Variants in SNX4 observed in about 807,000 individuals in gnomAD.
SNX4 encodes sorting nexin-4.
Under a neutral mutation model 70.8 loss-of-function variants are expected in SNX4, and 49 were observed. That is an observed-to-expected ratio of 0.69 (90% CI 0.55 to 0.88). SNX4 has a LOEUF of 0.88. Ranked by LOEUF, SNX4 falls within the 40% of genes least tolerant of loss-of-function variation. The pLI is 0.00. For synonymous variants in SNX4, 206 were observed against 183.8 expected (o/e 1.12, Z -0.98); for missense variants, 528 against 544.8 (o/e 0.97, Z 0.31).
chr3:125,502,593 G>T (rs922679935), intron 2 of SNX4, among the ~76,000 whole-genome samples: 1 of 151,728 alleles, frequency 6.6e-6, no homozygotes, highest in African/African-American at 2.4e-5. Flanking sequence ...AACATTGGCC[G>T]GATGCGGTGG....
intron 1 of SNX4, 64 bp downstream of exon 1, chr3:125,519,968 A>ACCCCC: frequency 3.2e-6 from 2 of 633,868 alleles, no homozygotes; most frequent in Non-Finnish European, 4.6e-6. Context: ...AGCCCAGCCC[A>ACCCCC]GCCCAGCCCG....
At chr3:125,519,973 AGCCCG>A in intron 1 of SNX4, 54 bp downstream of exon 1, 1 of 637,444 alleles carries the variant, frequency 1.6e-6, no homozygotes, top group Non-Finnish European at 2.3e-6. Flanking sequence ...AGCCCAGCCC[AGCCCG>A]GCCCGCTAGG....
chr3:125,448,302 T>A (rs987790814), intron 13 of SNX4, among the ~76,000 whole-genome samples: 5 of 145,550 alleles, frequency 3.4e-5, no homozygotes, highest in African/African-American at 1.3e-4. Flanking sequence ...TTTTTTGTAT[T>A]TTTTTTTTTT....
chr3:125,493,653 C>CAA (rs145292055), intron 5 of SNX4, among the ~76,000 whole-genome samples: 12 of 117,230 alleles, frequency 1.0e-4, no homozygotes, highest in African/African-American at 3.5e-4. Context: ...GACTCCGTGT[C>CAA]AAAAAAAAAA....
chr3:125,513,008 C>T (rs949197146), intron 1 of SNX4, among the ~76,000 whole-genome samples: 1 of 152,198 alleles, frequency 6.6e-6, no homozygotes, highest in Non-Finnish European at 1.5e-5. Context: ...CCTGTCTGTG[C>T]TTCAGTTTCC....
intron 6 of SNX4, among the ~76,000 whole-genome samples, chr3:125,487,441 T>C (rs952111487): frequency 1.3e-5 from 2 of 152,058 alleles, no homozygotes; most frequent in African/African-American, 2.4e-5. Flanking sequence ...AAACATTCAA[T>C]TGACAAAATA....
At chr3:125,475,978 TA>T (rs1194980740) in intron 8 of SNX4, among the ~76,000 whole-genome samples, 4 of 144,448 alleles carry the variant, frequency 2.8e-5, no homozygotes, top group African/African-American at 5.1e-5. Context: ...GACCCTGTAT[TA>T]AAAAAAAAAC....
intron 1 of SNX4, among the ~76,000 whole-genome samples, chr3:125,510,377 C>T (rs1427944914): frequency 6.6e-6 from 1 of 151,646 alleles, no homozygotes; most frequent in Non-Finnish European, 1.5e-5. Flanking sequence ...ACTACAGGCG[C>T]CCGCCACACG....
Position 125,506,817 on chromosome 3 carries a change from T to TGAAAAAAAAA in SNX4, c.142-2074_142-2073insTTTTTTTTTC, listed in dbSNP as rs199752160. ...AACTTAAAGAAAGATGTGGAGAAAG[T>TGAAAAAAAAA]AAAAAAAAAAAAAAAAAAAAAAAAA... is the stretch of plus-strand genomic sequence containing the variant. On this transcript the variant is annotated intron_variant, in intron 1 of 13. Transcript: ENST00000251775. 7.5e-4 allele frequency among the ~76,000 whole-genome samples: 20 copies of TGAAAAAAAAA among 26,816 alleles called. 1 individual carries two copies. Among genetic ancestry groups the TGAAAAAAAAA allele is most frequent in the African/African-American group, 1.9e-3 (20 of 10,260 alleles). The allele number at this position is 26,816 out of a possible 152,430, so 17.6% of individuals were successfully genotyped here.
intron 1 of SNX4, among the ~76,000 whole-genome samples, chr3:125,509,995 T>C (rs938991357): frequency 6.6e-6 from 1 of 152,158 alleles, no homozygotes; most frequent in African/African-American, 2.4e-5. Context: ...GGAACCCTCG[T>C]GCCCTATTGG....
chr3:125,518,498 C>T (rs1261986286), intron 1 of SNX4, among the ~76,000 whole-genome samples: 1 of 152,114 alleles, frequency 6.6e-6, no homozygotes, highest in African/African-American at 2.4e-5. Flanking sequence ...AGTCTTCATG[C>T]TACCTTATAT....
chr3:125,512,469 C>T (rs1181572548), intron 1 of SNX4, among the ~76,000 whole-genome samples: 1 of 152,030 alleles, frequency 6.6e-6, no homozygotes, highest in East Asian at 1.9e-4. Flanking sequence ...AACAATAATA[C>T]CAGTAGGGTT....
intron 11 of SNX4, among the ~76,000 whole-genome samples, chr3:125,456,074 A>G (rs1289518696): frequency 6.6e-6 from 1 of 152,190 alleles, no homozygotes; most frequent in Non-Finnish European, 1.5e-5. Flanking sequence ...CTGGTTTACT[A>G]CTTTCAGAAT....
chr3:125,481,447 C>CTTTTTT (rs34708524), intron 6 of SNX4, among the ~76,000 whole-genome samples: 7 of 134,852 alleles, frequency 5.2e-5, no homozygotes, highest in Non-Finnish European at 9.5e-5. Flanking sequence ...TTCCTGAAAT[C>CTTTTTT]TTTTTTTTTT....
At chr3:125,457,245 G>A in intron 11 of SNX4, 21 bp downstream of exon 11, 1 of 1,563,276 alleles carries the variant, frequency 6.4e-7, no homozygotes, top group Non-Finnish European at 8.8e-7. Context: ...TATCATCAGA[G>A]GCCAAAAGGA....
chr3:125,512,844 ACT>A (rs1460637020), intron 1 of SNX4, among the ~76,000 whole-genome samples: 3 of 151,270 alleles, frequency 2.0e-5, no homozygotes, highest in Non-Finnish European at 2.9e-5. Flanking sequence ...CTCACTGCAA[ACT>A]CTGCCTCCTG....
intron 9 of SNX4, among the ~76,000 whole-genome samples, chr3:125,469,180 A>AT (rs1337163254): frequency 6.6e-6 from 1 of 152,220 alleles, no homozygotes; most frequent in East Asian, 1.9e-4. Flanking sequence ...TTTACTGTAA[A>AT]TGGGTGTTAA....
At position 125,497,921 on chromosome 3, in the gene SNX4, T is replaced by C. The variant is rs1431186686; in HGVS notation, c.462A>G (p.Arg154=). 6.2e-7 allele frequency: 1 copy of C among 1,614,192 alleles called. No homozygotes were observed. Among genetic ancestry groups the C allele is most frequent in the Non-Finnish European group, 8.5e-7 (1 of 1,180,022 alleles). ...DNMDPDFVER[R]RIGLENFLLR... ...AGAGAAAGTTTTCTAAACCAATCCGTCGCCTCTCCACAAAATCTGGATCCA... is the reference window on the plus strand; with the variant it reads ...AGAGAAAGTTTTCTAAACCAATCCGCCGCCTCTCCACAAAATCTGGATCCA... The change falls in exon 4 of 14, where the codon CGA becomes CGG. Residue 154 remains arginine, a synonymous_variant. Coordinates refer to ENST00000251775, the MANE Select transcript of SNX4 (RefSeq NM_003794.4).
chr3:125,479,635 A>G (rs1292825638), intron 7 of SNX4, among the ~76,000 whole-genome samples: 2 of 152,184 alleles, frequency 1.3e-5, no homozygotes, highest in Non-Finnish European at 2.9e-5. Flanking sequence ...CTTACCTGGT[A>G]TCCTAGTCTC....
Sources: allele counts gnomAD v4.1 joint callset (sites outside exome capture counted in the v4.1 genomes callset), GRCh38; gene constraint gnomAD v4.1.1; transcripts MANE v1.5; gene names NCBI Gene and HGNC (gene_info 2026-07-23, HGNC 2026-07-21).